SGPP2: variants seen among roughly 807,000 people sequenced by gnomAD.
SGPP2 encodes the protein sphingosine-1-phosphate phosphatase 2, also known as sphingosine 1-phosphate phosphohydrolase 2.
Under a neutral mutation model 33.9 loss-of-function variants are expected in SGPP2, and 30 were observed. The observed-to-expected ratio is 0.89, with a 90% CI of 0.66 to 1.20. The LOEUF (loss-of-function observed/expected upper bound fraction) is 1.20, where lower values mean the gene tolerates loss of function less well. Among genes scored for constraint, SGPP2 ranks in the 50% most tolerant of loss-of-function variants. The pLI is 0.00. For synonymous variants in SGPP2, 233 were observed against 225.0 expected (o/e 1.04, Z -0.32); for missense variants, 458 against 532.1 (o/e 0.86, Z 1.37).
At chr2:222,435,589 C>T (rs1697227389) in intron 1 of SGPP2, among the ~76,000 whole-genome samples, 1 of 152,118 alleles carries the variant, frequency 6.6e-6, no homozygotes, top group African/African-American at 2.4e-5. Flanking sequence ...TACAACTATC[C>T]TTCATACAAC....
At chr2:222,488,615 G>T (rs1341384212) in intron 2 of SGPP2, among the ~76,000 whole-genome samples, 5 of 152,128 alleles carry the variant, frequency 3.3e-5, no homozygotes, top group Admixed American at 6.5e-5. Flanking sequence ...TGAGTCACTA[G>T]GAATCATGTG....
rs961701586 is a variant in SGPP2 at position 222,437,668 on chromosome 2, G to A, written c.219+12847G>A. Among the ~76,000 whole-genome samples, 5 of 152,302 alleles carry A rather than the reference G, an allele frequency of 3.3e-5. No homozygotes were observed. The South Asian group carries it at 6.2e-4, about 19-fold the overall frequency. On this transcript the variant is annotated intron_variant, in intron 1 of 4. Transcript: ENST00000321276. ...TTCCATTTGATGATGGAATGCTGCT[G>A]TGCACGACCCACTTTATGGCTAGGT...
chr2:222,543,399 C>A (rs771140503), intron 4 of SGPP2, among the ~76,000 whole-genome samples: 1 of 152,150 alleles, frequency 6.6e-6, no homozygotes, highest in Non-Finnish European at 1.5e-5. Flanking sequence ...CATTCCAAGA[C>A]CCTCAAAGGA....
At chr2:222,485,385 C>T (rs1698089589) in intron 2 of SGPP2, among the ~76,000 whole-genome samples, 1 of 152,194 alleles carries the variant, frequency 6.6e-6, no homozygotes, top group African/African-American at 2.4e-5. Context: ...ATTTGACAGA[C>T]TGAGTGTCCC....
At chr2:222,500,322 C>G (rs943256556) in intron 2 of SGPP2, among the ~76,000 whole-genome samples, 1 of 152,016 alleles carries the variant, frequency 6.6e-6, no homozygotes, top group African/African-American at 2.4e-5. Flanking sequence ...TGACTTCCAG[C>G]TGGATGTCTC....
chr2:222,524,291 C>CT (rs1345690107), intron 3 of SGPP2, among the ~76,000 whole-genome samples: 2 of 152,334 alleles, frequency 1.3e-5, no homozygotes, highest in African/African-American at 4.8e-5. Context: ...ATACCACAGA[C>CT]ACTAGTGCTT....
At chr2:222,456,710 A>T (rs1263443617) in intron 1 of SGPP2, among the ~76,000 whole-genome samples, 1 of 152,236 alleles carries the variant, frequency 6.6e-6, no homozygotes, top group Non-Finnish European at 1.5e-5. Flanking sequence ...AGTGGGAGTT[A>T]ACCTGGTTGT....
intron 2 of SGPP2, among the ~76,000 whole-genome samples, chr2:222,513,396 C>A (rs113131005): frequency 6.6e-6 from 1 of 151,952 alleles, no homozygotes; most frequent in Non-Finnish European, 1.5e-5. Context: ...TTATGCTGTG[C>A]GGGAAAAATG....
chr2:222,487,623 C>T (rs1698131623), intron 2 of SGPP2, among the ~76,000 whole-genome samples: 1 of 152,100 alleles, frequency 6.6e-6, no homozygotes, highest in Non-Finnish European at 1.5e-5. Context: ...GTTCAGGAGG[C>T]CAAAGAAGAG....
chr2:222,489,414 GAA>G (rs756276728), intron 2 of SGPP2, among the ~76,000 whole-genome samples: 10 of 134,512 alleles, frequency 7.4e-5, no homozygotes, highest in African/African-American at 2.7e-4. Context: ...AATGTATTAA[GAA>G]AAAAAAAAAA....
At chr2:222,458,819 A>C (rs1269826212) in intron 1 of SGPP2, among the ~76,000 whole-genome samples, 1 of 152,192 alleles carries the variant, frequency 6.6e-6, no homozygotes, top group Non-Finnish European at 1.5e-5. Flanking sequence ...CAGCGCAAGC[A>C]CTAATTGACT....
intron 1 of SGPP2, among the ~76,000 whole-genome samples, chr2:222,441,230 A>C (rs1180548235): frequency 6.6e-6 from 1 of 152,236 alleles, no homozygotes; most frequent in Non-Finnish European, 1.5e-5. Flanking sequence ...CTCAAGGTCA[A>C]CAATAGCCAT....
At chr2:222,424,872 G>A in intron 1 of SGPP2, 51 bp downstream of exon 1, 1 of 1,260,376 alleles carries the variant, frequency 7.9e-7, no homozygotes, top group South Asian at 2.4e-5. Flanking sequence ...GGCTGCGGAC[G>A]TGCGGGTCCC....
intron 1 of SGPP2, among the ~76,000 whole-genome samples, chr2:222,438,760 T>C (rs999008316): frequency 1.3e-5 from 2 of 152,246 alleles, no homozygotes; most frequent in Non-Finnish European, 2.9e-5. Context: ...GTGGTGGGAA[T>C]CTCCAACCCG....
At chr2:222,453,889 G>A (rs116658913) in intron 1 of SGPP2, among the ~76,000 whole-genome samples, 3,282 of 152,256 alleles carry the variant, frequency 0.022, 63 homozygotes, top group Non-Finnish European at 0.029. Flanking sequence ...ATGTTATATA[G>A]TTGAGGAAAC....
chr2:222,534,934 AAGG>A (rs756111749), intron 4 of SGPP2, among the ~76,000 whole-genome samples: 4 of 152,216 alleles, frequency 2.6e-5, no homozygotes, highest in Non-Finnish European at 4.4e-5. Flanking sequence ...TTAACCACCA[AAGG>A]AGAAGTTCAG....
intron 4 of SGPP2, among the ~76,000 whole-genome samples, chr2:222,544,073 G>A (rs1689135588): frequency 6.6e-6 from 1 of 152,106 alleles, no homozygotes; most frequent in African/African-American, 2.4e-5. Context: ...GATCTGCTAA[G>A]TGCCATTCTA....
chr2:222,481,848 A>G (rs1698035302), intron 2 of SGPP2, among the ~76,000 whole-genome samples: 1 of 152,040 alleles, frequency 6.6e-6, no homozygotes, highest in East Asian at 1.9e-4. Flanking sequence ...CATTTGTAAG[A>G]TTTGTTTTTT....
In SGPP2 at chr2:222,562,147, C is replaced by G. The variant is rs1250204805; in HGVS notation, c.*3249C>G. On this transcript the variant is annotated 3_prime_UTR_variant, in exon 5 of 5. Coordinates refer to ENST00000321276, the MANE Select transcript of SGPP2 (RefSeq NM_152386.4). ...ACCTTGCTTTTGGGAACTGTGACAC[C>G]AAAGCCCCCAGGACTATCTGCCTCT... is the stretch of plus-strand genomic sequence containing the variant. Among the ~76,000 whole-genome samples the G allele has an allele frequency of 6.6e-6, 1 of 152,112 alleles. No homozygotes were observed. The highest frequency in any genetic ancestry group is 1.5e-5 in the Non-Finnish European group (1 of 68,016).
Sources: gnomAD v4.1 joint callset for allele counts (sites outside exome capture counted in the v4.1 genomes callset) on GRCh38, gnomAD v4.1.1 for gene constraint, MANE v1.5 for transcripts, NCBI Gene and HGNC (gene_info 2026-07-23, HGNC 2026-07-21) for gene names.